UCP2: variants seen among roughly 807,000 people sequenced by gnomAD.
The protein encoded by UCP2 is uncoupling protein 2.
UCP2 carries 27 observed loss-of-function variants against 31.3 expected under a neutral mutation model. That is an observed-to-expected ratio of 0.86 (90% CI 0.64 to 1.19). The LOEUF is 1.19. Ranked by LOEUF, UCP2 falls within the 50% of genes most tolerant of loss-of-function variation. The pLI is 0.00. For synonymous variants in UCP2, 142 were observed against 157.4 expected (o/e 0.90, Z 0.73); for missense variants, 377 against 413.5 (o/e 0.91, Z 0.76).
chr11:73,982,497 C>T (rs1157689500), intron 1 of UCP2, among the ~76,000 whole-genome samples: 1 of 152,202 alleles, frequency 6.6e-6, no homozygotes, highest in Non-Finnish European at 1.5e-5. Context: ...ATCGCTTGAA[C>T]CTGGGAGGTG....
Position 73,975,523 on chromosome 11 carries a change from G to A in UCP2, c.783C>T (p.Leu261=), listed in dbSNP as rs777527447. The A allele has an allele frequency of 1.9e-6, 3 of 1,612,256 alleles. No homozygotes were observed. Among genetic ancestry groups the A allele is most frequent in the South Asian group, 1.1e-5 (1 of 91,026 alleles). ...SSAGHCALTM[L]QKEGPRAFYK... ...AGAAGGCTCGGGGCCCCTCCTTCTGGAGCATGGTAAGGGCACAGTGGCCAG... is the reference window on the plus strand; with the variant it reads ...AGAAGGCTCGGGGCCCCTCCTTCTGAAGCATGGTAAGGGCACAGTGGCCAG... Residue 261 remains leucine, a synonymous_variant, in exon 7 of 8, where the codon CTC becomes CTT. Coordinates refer to ENST00000663595, the MANE Select transcript of UCP2 (RefSeq NM_003355.3).
In UCP2 at chr11:73,974,996, G is replaced by A. The variant is rs771608556; in HGVS notation, c.*11C>T. 18 of 1,547,180 alleles carry A rather than the reference G, an allele frequency of 1.2e-5. 1 individual carries two copies. The highest frequency in any genetic ancestry group is 1.6e-5 in the Non-Finnish European group (18 of 1,141,772). On this transcript the variant is annotated 3_prime_UTR_variant, in exon 8 of 8. Transcript: ENST00000663595. ...AAAGCCAGAGGTGATCAGGTCAGCA[G>A]CAGGAGAGGCTCAGAAGGGAGCCTC...
At chr11:73,976,533 G>T in intron 6 of UCP2, 108 bp downstream of exon 6, 1 of 914,918 alleles carries the variant, frequency 1.1e-6, no homozygotes, top group Non-Finnish European at 1.8e-6. Flanking sequence ...TCCCTGCAAA[G>T]GGCAAATAGG....
At chr11:73,979,817 CAA>C (rs10706211) in intron 2 of UCP2, 15 of 112,290 alleles carry the variant, frequency 1.3e-4, no homozygotes, top group African/African-American at 2.9e-4. Flanking sequence ...GACCTTGTCT[CAA>C]AAAAAAAAAA....
chr11:73,982,482 G>A (rs1951475916), intron 1 of UCP2, among the ~76,000 whole-genome samples: 1 of 152,264 alleles, frequency 6.6e-6, no homozygotes. Context: ...CTACTCGGCA[G>A]GCGGATCGCT....
chr11:73,982,320 C>A (rs1267581931), intron 1 of UCP2, among the ~76,000 whole-genome samples: 1 of 152,262 alleles, frequency 6.6e-6, no homozygotes, highest in Non-Finnish European at 1.5e-5. Flanking sequence ...GACCCGGAGG[C>A]TCATGCCTAA....
At position 73,977,987 on chromosome 11, in the gene UCP2, T is replaced by C. The variant is rs753745018; in HGVS notation, c.236A>G (p.Tyr79Cys). ...MVRTEGPRSL[Y>C]NGLVAGLQRQ... Reference sequence around the variant, plus strand: ...CTGCAGGCCGGCAACCAGCCCATTGTAGAGGCTTCGGGGGCCCTCAGTACG... The same window carrying C: ...CTGCAGGCCGGCAACCAGCCCATTGCAGAGGCTTCGGGGGCCCTCAGTACG... Residue 79 changes from tyrosine (Y) to cysteine (C), a missense_variant, in exon 4 of 8, where the codon TAC becomes TGC. Transcript: ENST00000663595. 1 of 1,614,220 alleles carries C rather than the reference T, an allele frequency of 6.2e-7. No individual in the cohort carries two copies. Among genetic ancestry groups the C allele is most frequent in the South Asian group, 1.1e-5 (1 of 91,086 alleles).
intron 7 of UCP2, 72 bp from the exon 8 acceptor site, chr11:73,975,193 T>C: frequency 7.4e-7 from 1 of 1,356,560 alleles, no homozygotes; most frequent in East Asian, 2.5e-5. Flanking sequence ...TGGTATTCAA[T>C]CCAACCCAGT....
In UCP2 at chr11:73,975,023, C is replaced by G. The variant is rs560837935; in HGVS notation, c.914G>C (p.Arg305Pro). Residue 305 changes from arginine to proline, a missense_variant, in exon 8 of 8, where the codon CGA (arginine) becomes CCA (proline). Arg to Pro is a moderately radical substitution (Grantham distance 103). Transcript: ENST00000663595. The stretch of plus-strand genomic sequence containing the variant: ...AGGAGAGGCTCAGAAGGGAGCCTCT[C>G]GGGAAGTGCAGGCAGCCATGAGGGC... Reference protein sequence around the residue: ...KRALMAACTSREAPF With the variant: ...KRALMAACTSPEAPF 6.2e-7 allele frequency: 1 copy of G among 1,608,728 alleles called. No homozygotes were observed. Among genetic ancestry groups the G allele is most frequent in the Non-Finnish European group, 8.5e-7 (1 of 1,177,706 alleles).
Position 73,978,450 on chromosome 11 carries a change from AGAC to A in UCP2, c.-75_-73del. On this transcript the variant is annotated 5_prime_UTR_variant, in exon 3 of 8. Coordinates refer to ENST00000663595, the MANE Select transcript of UCP2 (RefSeq NM_003355.3). Reference sequence around the variant, plus strand: ...ACAGGGGCACCTTTAATCAGCAACAAGACGAGATAGAGGAACTCTGCCGGAATC... The same window carrying A: ...ACAGGGGCACCTTTAATCAGCAACAAGAGATAGAGGAACTCTGCCGGAATC... 6.2e-7 allele frequency: 1 copy of A among 1,600,648 alleles called. No individual in the cohort carries two copies. Among genetic ancestry groups the A allele is most frequent in the South Asian group, 1.1e-5 (1 of 89,934 alleles).
Position 73,978,033 on chromosome 11 carries a change from C to G in UCP2, c.190G>C (p.Gly64Arg). 1 of 1,614,156 alleles carries G rather than the reference C, an allele frequency of 6.2e-7. No individual in the cohort carries two copies. Among genetic ancestry groups the G allele is most frequent in the Non-Finnish European group, 8.5e-7 (1 of 1,180,030 alleles). Reference protein sequence around the residue: ...TASAQYRGVMGTILTMVRTEG... With the variant: ...TASAQYRGVMRTILTMVRTEG... ...GTACGCACCATGGTCAGAATGGTGC[C>G]CATCACACCGCGGTACTGGGCGCTG... Residue 64 changes from glycine to arginine, a missense_variant, in exon 4 of 8, where the codon GGC becomes CGC. Transcript: ENST00000663595.
chr11:73,976,347 C>CA (rs552958528), intron 6 of UCP2, among the ~76,000 whole-genome samples: 217 of 151,140 alleles, frequency 1.4e-3, no homozygotes, highest in Non-Finnish European at 2.7e-3. Context: ...GACTCTATCT[C>CA]AAAAAAAACA....
chr11:73,975,695 C>T, intron 6 of UCP2, 24 bp from the exon 7 acceptor site: 1 of 1,613,976 alleles, frequency 6.2e-7, no homozygotes, highest in Non-Finnish European at 8.5e-7. Flanking sequence ...GCAGGCAAGG[C>T]AGTCAAGATC....
chr11:73,975,061 C>T lies in UCP2; in HGVS notation c.876G>A (p.Glu292=). ...CAGCCATGAGGGCTCGTTTCAGCTG[C>T]TCATAGGTGACGAACATCACCACGT... ...SWNVVMFVTY[E]QLKRALMAAC... Residue 292 remains glutamate (E), a synonymous_variant, in exon 8 of 8, where the codon GAG becomes GAA. Transcript: ENST00000663595. 1.2e-6 allele frequency: 2 copies of T among 1,613,820 alleles called. No individual in the cohort carries two copies. Among genetic ancestry groups the T allele is most frequent in the Non-Finnish European group, 1.7e-6 (2 of 1,179,880 alleles).
intron 1 of UCP2, among the ~76,000 whole-genome samples, chr11:73,981,982 C>T (rs1044209716): frequency 6.6e-6 from 1 of 152,106 alleles, no homozygotes; most frequent in African/African-American, 2.4e-5. Flanking sequence ...GGTCCCAGGT[C>T]GGGCTGTGAG....
Position 73,974,779 on chromosome 11 carries a change from G to C in UCP2, c.*228C>G. 1 of 356,104 alleles carries C rather than the reference G, an allele frequency of 2.8e-6. No homozygotes were observed. The highest frequency in any genetic ancestry group is 4.1e-5 in the East Asian group (1 of 24,170). 22.1% of individuals were successfully genotyped at this position (356,104 alleles called of 1,614,324 possible). ...AAGGGACGGGACGCTTGGGATCCTG[G>C]CTGGTACGAGGCCTCCCACACTGTC... On this transcript the variant is annotated 3_prime_UTR_variant, in exon 8 of 8. Coordinates refer to ENST00000663595, the MANE Select transcript of UCP2 (RefSeq NM_003355.3).
In UCP2 at chr11:73,975,065, T is replaced by A. The variant is rs766756088; in HGVS notation, c.872A>T (p.Tyr291Phe). The change falls in exon 8 of 8, where the codon TAT becomes TTT. Residue 291 changes from tyrosine to phenylalanine, a missense_variant. Tyr to Phe is a conservative substitution (Grantham distance 22, BLOSUM62 3). Transcript: ENST00000663595. ...GSWNVVMFVT[Y>F]EQLKRALMAA... ...CATGAGGGCTCGTTTCAGCTGCTCA[T>A]AGGTGACGAACATCACCACGTTCCA... 6.2e-7 allele frequency: 1 copy of A among 1,613,644 alleles called. No homozygotes were observed. The highest frequency in any genetic ancestry group is 8.5e-7 in the Non-Finnish European group (1 of 1,179,874).
At chr11:73,981,232 G>T (rs1248608164) in intron 2 of UCP2, 2 of 152,144 alleles carry the variant, frequency 1.3e-5, no homozygotes, top group Non-Finnish European at 2.9e-5. Context: ...GCCAATCACT[G>T]TTACACGTGG....
chr11:73,975,530 G>T lies in UCP2; in HGVS notation c.776C>A (p.Thr259Asn), dbSNP rs1280500728. The T allele has an allele frequency of 6.2e-7, 1 of 1,612,978 alleles. No homozygotes were observed. The highest frequency in any genetic ancestry group is 1.1e-5 in the South Asian group (1 of 91,054). ...QYSSAGHCAL[T>N]MLQKEGPRAF... ...TCGGGGCCCCTCCTTCTGGAGCATGGTAAGGGCACAGTGGCCAGCGCTACT... is the reference window on the plus strand; with the variant it reads ...TCGGGGCCCCTCCTTCTGGAGCATGTTAAGGGCACAGTGGCCAGCGCTACT... The change falls in exon 7 of 8, where the codon ACC becomes AAC. Residue 259 changes from threonine to asparagine, a missense_variant. Physicochemically the swap from Thr to Asn is moderately conservative, Grantham distance 65 (BLOSUM62 0). Coordinates refer to ENST00000663595, the MANE Select transcript of UCP2 (RefSeq NM_003355.3).
Sources: allele counts gnomAD v4.1 joint callset (sites outside exome capture counted in the v4.1 genomes callset), GRCh38; gene constraint gnomAD v4.1.1; transcripts MANE v1.5; gene names NCBI Gene and HGNC (gene_info 2026-07-23, HGNC 2026-07-21).